The following CXADR variants were observed in gnomAD, a reference collection of about 807,000 sequenced individuals.
CXADR encodes the protein coxsackievirus and adenovirus receptor.
Under a neutral mutation model 40.3 loss-of-function variants are expected in CXADR, and 20 were observed. The observed-to-expected ratio is 0.50, with a 90% confidence interval of 0.35 to 0.72. CXADR has a LOEUF of 0.72. CXADR is among the 30% of genes least tolerant of loss of function. The probability of loss-of-function intolerance (pLI) is 0.01; values close to 1 mark genes in which losing one functional copy is unlikely to be tolerated. For missense variants in CXADR, 332 were observed against 449.1 expected (o/e 0.74, Z 2.36); for synonymous variants, 150 against 161.3 (o/e 0.93, Z 0.53).
At chr21:17,519,010 A>T (rs2060495535) in intron 1 of CXADR, 2 of 1,593,846 alleles carry the variant, frequency 1.3e-6, no homozygotes, top group East Asian at 4.5e-5. Context: ...GGTAAATCTG[A>T]AGCAGGGAGG....
chr21:17,565,592 C>T lies in CXADR; in HGVS notation c.998C>T (p.Pro333Leu), dbSNP rs751265056. 4 of 1,613,198 alleles carry T rather than the reference C, an allele frequency of 2.5e-6. No homozygotes were observed. Among genetic ancestry groups the T allele is most frequent in the African/African-American group, 1.3e-5 (1 of 74,960 alleles). The change falls in exon 7 of 7, where the codon CCG becomes CTG. Residue 333 changes from proline (P) to leucine (L), a missense_variant. Pro to Leu is a moderately conservative substitution (Grantham distance 98, BLOSUM62 -3). Around this residue, in one of 3 missense-constraint regions of CXADR, gnomAD observed 150 missense variants for 194.2 expected, o/e 0.77. Coordinates refer to ENST00000284878, the MANE Select transcript of CXADR (RefSeq NM_001338.5). ...GACTTTGAACGCACTCCTCAGAGTC[C>T]GACTCTCCCACCTGCTAAGGTAGCT... ...SEDFERTPQS[P>L]TLPPAKVAAP...
the CXADR span, among the ~76,000 whole-genome samples, chr21:17,605,582 TATTTC>T: frequency 1.3e-5 from 2 of 152,234 alleles, no homozygotes; most frequent in Admixed American, 6.5e-5. Context: ...GTTATTGGCT[TATTTC>T]ATTTAACTTC....
chr21:17,604,085 G>T, the CXADR span: 54 of 1,231,256 alleles, frequency 4.4e-5, no homozygotes, highest in Non-Finnish European at 5.6e-5. Context: ...TTCATTAGGA[G>T]ATGTGAAAAA....
chr21:17,584,422 G>A (rs559823062), intron 7 of CXADR, among the ~76,000 whole-genome samples: 6 of 152,274 alleles, frequency 3.9e-5, no homozygotes, highest in African/African-American at 7.2e-5. Flanking sequence ...ACACATCATC[G>A]TGCCATCCTG....
intron 7 of CXADR, among the ~76,000 whole-genome samples, chr21:17,582,672 T>C (rs2061369724): frequency 6.6e-6 from 1 of 152,258 alleles, no homozygotes. Context: ...CTGGCTGTGT[T>C]CATATCAAGC....
At chr21:17,561,778 G>A (rs1265681134) in intron 6 of CXADR, among the ~76,000 whole-genome samples, 3 of 152,068 alleles carry the variant, frequency 2.0e-5, no homozygotes, top group African/African-American at 4.8e-5. Flanking sequence ...TAGGGATGAA[G>A]TAGATATTGA....
chr21:17,591,764 T>C (rs930981866), intron 7 of CXADR, among the ~76,000 whole-genome samples: 1 of 151,922 alleles, frequency 6.6e-6, no homozygotes, highest in Non-Finnish European at 1.5e-5. Flanking sequence ...TGAAATTATG[T>C]AGTCATGTTT....
chr21:17,551,686 T>G, intron 2 of CXADR, 63 bp from the exon 3 acceptor site: 1 of 1,475,286 alleles, frequency 6.8e-7, no homozygotes, highest in Non-Finnish European at 9.2e-7. Flanking sequence ...AGGGCTCCTT[T>G]AAGAGACAGT....
At chr21:17,528,992 G>A (rs1331586824) in intron 1 of CXADR, among the ~76,000 whole-genome samples, 1 of 151,600 alleles carries the variant, frequency 6.6e-6, no homozygotes, top group African/African-American at 2.4e-5. Context: ...TGTGTGGCTT[G>A]GGGAGGTACT....
rs757895680 is a variant in CXADR at position 17,561,448 on chromosome 21, T to C, written c.805T>C (p.Tyr269His). 1.9e-6 allele frequency: 3 copies of C among 1,610,710 alleles called. No individual in the cohort carries two copies. The African/African-American group carries it at 4.0e-5, about 22-fold the overall frequency. Residue 269 changes from tyrosine (Y) to histidine (H), a missense_variant, in exon 6 of 7, where the codon TAT becomes CAT. Around this residue, in one of 3 missense-constraint regions of CXADR, gnomAD observed 150 missense variants for 194.2 expected, o/e 0.77. Transcript: ENST00000284878. ...CCRKKRREEK[Y>H]EKEVHHDIRE... is the part of the protein sequence containing the mutation. ...TCGTAAAAAGCGCAGAGAAGAAAAA[T>C]ATGAAAAGGAAGTTCATCACGATAT...
intron 1 of CXADR, among the ~76,000 whole-genome samples, chr21:17,520,014 C>CAT (rs937022621): frequency 1.7e-4 from 26 of 151,820 alleles, no homozygotes; most frequent in African/African-American, 4.4e-4. Flanking sequence ...CACACACACA[C>CAT]ATATATATAT....
the CXADR span, among the ~76,000 whole-genome samples, chr21:17,620,353 G>T: frequency 6.6e-6 from 1 of 152,168 alleles, no homozygotes; most frequent in East Asian, 1.9e-4. Context: ...GAATGGCAAA[G>T]GTCAGTAGAG....
chr21:17,570,176 G>C (rs939577362), downstream of CXADR: 2 of 985,200 alleles, frequency 2.0e-6, no homozygotes, highest in African/African-American at 3.5e-5. Context: ...ATTCCTCCCT[G>C]CTTGCTGTGT....
the CXADR span, among the ~76,000 whole-genome samples, chr21:17,602,531 A>G: frequency 4.6e-5 from 7 of 152,200 alleles, no homozygotes; most frequent in Admixed American, 2.0e-4. Context: ...CTGTTAACTT[A>G]TATCAACCAC....
chr21:17,524,195 A>T (rs73199472), intron 1 of CXADR, among the ~76,000 whole-genome samples: 20,461 of 151,868 alleles, frequency 0.13, 1,560 homozygotes, highest in African/African-American at 0.21. Context: ...TGCCTGGCCT[A>T]CATTGATCTC....
At chr21:17,562,542 G>A (rs563908219) in intron 6 of CXADR, among the ~76,000 whole-genome samples, 11 of 152,286 alleles carry the variant, frequency 7.2e-5, no homozygotes, top group East Asian at 1.9e-4. Context: ...GGGTGGTCTC[G>A]AACTCCTGGG....
intron 1 of CXADR, among the ~76,000 whole-genome samples, chr21:17,545,884 G>A (rs532795088): frequency 1.3e-3 from 188 of 150,304 alleles, no homozygotes; most frequent in African/African-American, 4.5e-3. Flanking sequence ...GGTTCAAGCA[G>A]TTCTTCTGCC....
In CXADR at chr21:17,518,522, T is replaced by G. The variant is rs1167319272; in HGVS notation, c.43+5350T>G. ...AGTCCATGCCAGCTTCCAAAAACCA[T>G]GCCAGCTTCATTCTTTGATGCCTCA... On this transcript the variant is annotated intron_variant, in intron 1 of 6. Coordinates refer to ENST00000284878, the MANE Select transcript of CXADR (RefSeq NM_001338.5). 4.7e-5 allele frequency: 45 copies of G among 948,524 alleles called. No individual in the cohort carries two copies. In the Middle Eastern group the frequency reaches 1.3e-3, roughly 27 times the overall value. The allele number at this position is 948,524 out of a possible 1,614,324, so 58.8% of individuals were successfully genotyped here. A position where few individuals can be genotyped will look rare whatever the true frequency, so the allele number is the denominator to read the frequency against.
At chr21:17,515,292 A>G (rs1272347052) in intron 1 of CXADR, among the ~76,000 whole-genome samples, 1 of 152,058 alleles carries the variant, frequency 6.6e-6, no homozygotes. Flanking sequence ...AATAAAACCC[A>G]AAAAGAACTA....
Sources: allele counts gnomAD v4.1 joint callset (sites outside exome capture counted in the v4.1 genomes callset), GRCh38; gene constraint gnomAD v4.1.1; regional missense constraint gnomAD v4.1.1; transcripts MANE v1.5; gene names NCBI Gene and HGNC (gene_info 2026-07-23, HGNC 2026-07-21).